INTS6: variants seen among roughly 807,000 people sequenced by gnomAD.
The protein encoded by INTS6 is DEAD box protein.
Under a neutral mutation model 104.9 loss-of-function variants are expected in INTS6, and 16 were observed. The observed-to-expected ratio is 0.15, with a 90% CI of 0.10 to 0.23. The LOEUF (loss-of-function observed/expected upper bound fraction) is 0.23. INTS6 is among the 10% of genes least tolerant of loss of function. The pLI is 1.00. For synonymous variants in INTS6, 324 were observed against 358.7 expected, an observed-to-expected ratio of 0.90 and a Z score of 1.09; for missense variants, 584 against 1,062.8, an observed-to-expected ratio of 0.55 and a Z score of 6.26.
At position 51,382,160 on chromosome 13, in the gene INTS6, A is replaced by G. The variant is rs747787562; in HGVS notation, c.1181-37T>C. The G allele has an allele frequency of 5.4e-6, 7 of 1,305,536 alleles. No homozygotes were observed. The South Asian group carries it at 8.9e-5, about 17-fold the overall frequency. The allele number at this position is 1,305,536 out of a possible 1,614,324, so 80.9% of individuals were successfully genotyped here. A position where few individuals can be genotyped will look rare whatever the true frequency, so the allele number is the denominator to read the frequency against. On this transcript the variant is annotated intron_variant, in intron 9 of 17. Transcript: ENST00000311234. ...TAATGTGAACAAACTATCACTACTCATTATTTTCACACATAGAAGTCAAGT... is the reference window on the plus strand; with the variant it reads ...TAATGTGAACAAACTATCACTACTCGTTATTTTCACACATAGAAGTCAAGT...
downstream of INTS6, among the ~76,000 whole-genome samples, chr13:51,351,006 A>G (rs1955397517): frequency 6.6e-6 from 1 of 152,162 alleles, no homozygotes; most frequent in Non-Finnish European, 1.5e-5. Flanking sequence ...ATAATATTCC[A>G]TTGTATTGAT....
At chr13:51,345,180 A>G in the INTS6 span, among the ~76,000 whole-genome samples, 1 of 152,150 alleles carries the variant, frequency 6.6e-6, no homozygotes. Flanking sequence ...TACTCTCCCC[A>G]TTCTATAAAT....
chr13:51,372,853 T>G (rs1955838000), intron 15 of INTS6, among the ~76,000 whole-genome samples: 1 of 152,214 alleles, frequency 6.6e-6, no homozygotes, highest in African/African-American at 2.4e-5. Flanking sequence ...TTCCTGTGCA[T>G]GCACAATTAT....
chr13:51,432,643 T>C (rs571123272), intron 3 of INTS6, among the ~76,000 whole-genome samples: 1 of 152,210 alleles, frequency 6.6e-6, no homozygotes, highest in Admixed American at 6.5e-5. Flanking sequence ...CAGAACCATT[T>C]AGAATTACTC....
chr13:51,373,596 T>C (rs1307846556), intron 15 of INTS6, among the ~76,000 whole-genome samples: 1 of 152,228 alleles, frequency 6.6e-6, no homozygotes, highest in African/African-American at 2.4e-5. Context: ...TCCCTTAATG[T>C]CTTTCTCTTT....
chr13:51,367,656 C>A, intron 17 of INTS6, 149 bp downstream of exon 17: 1 of 484,512 alleles, frequency 2.1e-6, no homozygotes, highest in Non-Finnish European at 3.6e-6. Flanking sequence ...TTTCAATAAA[C>A]TAAAAAAGAA....
In INTS6 at chr13:51,378,452, G is replaced by C; in HGVS notation, c.1389C>G (p.Ala463=). 6.2e-7 allele frequency: 1 copy of C among 1,606,254 alleles called. No individual in the cohort carries two copies. Among genetic ancestry groups the C allele is most frequent in the South Asian group, 1.1e-5 (1 of 90,264 alleles). Residue 463 remains alanine, a splice_region_variant and synonymous_variant, in exon 12 of 18, where the codon GCC becomes GCG. Transcript: ENST00000311234. ...CAATGACTCGATCAGATTCTATTTT[G>C]GCCTAAAGTAAAAATAAGTCAGAAT... ...ISYLKKLSQQ[A]KIESDRVIGS...
chr13:51,358,372 T>C (rs1955513369), downstream of INTS6, among the ~76,000 whole-genome samples: 1 of 152,178 alleles, frequency 6.6e-6, no homozygotes, highest in African/African-American at 2.4e-5. Flanking sequence ...ACAATGTTTA[T>C]ACAACGTCAT....
intron 4 of INTS6, among the ~76,000 whole-genome samples, chr13:51,415,626 G>A (rs1029169458): frequency 6.6e-6 from 1 of 151,128 alleles, no homozygotes; most frequent in Non-Finnish European, 1.5e-5. Flanking sequence ...GGCCTCCCCA[G>A]CCATGTAGAA....
At chr13:51,406,017 T>TC (rs994620874) in intron 4 of INTS6, among the ~76,000 whole-genome samples, 10 of 152,142 alleles carry the variant, frequency 6.6e-5, no homozygotes, top group African/African-American at 2.4e-4. Context: ...AAAGGAATCT[T>TC]CCTTTGGCTT....
intron 4 of INTS6, chr13:51,423,004 T>C (rs1956922825): frequency 8.6e-7 from 1 of 1,162,782 alleles, no homozygotes; most frequent in African/African-American, 1.6e-5. Flanking sequence ...TTTATCTTAA[T>C]GTATTACAAA....
At chr13:51,406,012 A>G (rs1956557367) in intron 4 of INTS6, among the ~76,000 whole-genome samples, 3 of 152,122 alleles carry the variant, frequency 2.0e-5, no homozygotes, top group Admixed American at 2.0e-4. Flanking sequence ...TTTTGAAAGG[A>G]ATCTTCCTTT....
chr13:51,359,859 T>C (rs1003261681), downstream of INTS6, among the ~76,000 whole-genome samples: 1 of 152,112 alleles, frequency 6.6e-6, no homozygotes, highest in African/African-American at 2.4e-5. Flanking sequence ...TAATTATTGA[T>C]AGTGAAATTT....
At chr13:51,448,163 A>G (rs944679240) in intron 3 of INTS6, 5 of 152,248 alleles carry the variant, frequency 3.3e-5, no homozygotes, top group Admixed American at 3.3e-4. Flanking sequence ...CACATTTTAT[A>G]CATTTCCTAA....
At chr13:51,437,726 G>T (rs1298183451) in intron 3 of INTS6, 1 of 152,248 alleles carries the variant, frequency 6.6e-6, no homozygotes, top group African/African-American at 2.4e-5. Flanking sequence ...GGCATAATGT[G>T]AGGCCGGGCG....
At chr13:51,398,827 G>A (rs1214357658) in intron 4 of INTS6, among the ~76,000 whole-genome samples, 1 of 151,764 alleles carries the variant, frequency 6.6e-6, no homozygotes, top group Non-Finnish European at 1.5e-5. Context: ...TAAATAAGCT[G>A]CAGTCTGTTC....
rs760577277 is a variant in INTS6, at chr13:51,389,452, TAAA to T, written c.614-11_614-9del. The T allele has an allele frequency of 1.9e-6, 3 of 1,565,982 alleles. No homozygotes were observed. Among genetic ancestry groups the T allele is most frequent in the African/African-American group, 1.4e-5 (1 of 71,420 alleles). Reference sequence around the variant, plus strand: ...ACACAGAATATGAACGGCCTGAGATTAAAAAAAAGAAGAAGAAGAAGAAGAAGA... The same window carrying T: ...ACACAGAATATGAACGGCCTGAGATTAAAAAGAAGAAGAAGAAGAAGAAGA... On this transcript the variant is annotated splice_polypyrimidine_tract_variant and intron_variant, in intron 5 of 17. Coordinates refer to ENST00000311234, the MANE Select transcript of INTS6 (RefSeq NM_012141.3).
intron 3 of INTS6, chr13:51,355,216 T>G: frequency 1.8e-6 from 1 of 557,414 alleles, no homozygotes; most frequent in African/African-American, 2.6e-5. Flanking sequence ...GATTAAGGGA[T>G]TCTCATTTCA....
intron 4 of INTS6, among the ~76,000 whole-genome samples, chr13:51,422,134 T>C (rs1956906380): frequency 6.6e-6 from 1 of 152,192 alleles, no homozygotes; most frequent in South Asian, 2.1e-4. Flanking sequence ...TGTTAAATTA[T>C]AAATCCTTTA....
Sources: allele counts gnomAD v4.1 joint callset (sites outside exome capture counted in the v4.1 genomes callset), GRCh38; gene constraint gnomAD v4.1.1; transcripts MANE v1.5; gene names NCBI Gene and HGNC (gene_info 2026-07-23, HGNC 2026-07-21).